The following TBC1D1 variants were observed in gnomAD, a reference collection of about 807,000 sequenced individuals.
TBC1D1 encodes TBC1 (tre-2/USP6, BUB2, cdc16) domain family, member 1.
Under a neutral mutation model 125.6 loss-of-function variants are expected in TBC1D1, and 89 were observed. That is an observed-to-expected ratio of 0.71 (90% CI 0.60 to 0.85). The LOEUF (loss-of-function observed/expected upper bound fraction) is 0.85. Among genes scored for constraint, TBC1D1 ranks in the 40% least tolerant of loss-of-function variants. The pLI, the probability that TBC1D1 is intolerant of heterozygous loss-of-function variation, is 0.00. For synonymous variants in TBC1D1, 565 were observed against 564.1 expected (o/e 1.00, Z -0.02); for missense variants, 1,377 against 1,469.2 (o/e 0.94, Z 1.03).
At chr4:38,076,228 G>C (rs180739693) in intron 12 of TBC1D1, among the ~76,000 whole-genome samples, 25 of 152,248 alleles carry the variant, frequency 1.6e-4, no homozygotes, top group African/African-American at 4.3e-4. Flanking sequence ...CGAGCAAAAG[G>C]GGGGAAAGCC....
intron 2 of TBC1D1, among the ~76,000 whole-genome samples, chr4:37,914,037 T>A (rs1374670752): frequency 6.6e-6 from 1 of 152,202 alleles, no homozygotes; most frequent in Non-Finnish European, 1.5e-5. Flanking sequence ...TCTAGTAGTC[T>A]CTACCCAGTC....
chr4:38,114,236 G>A (rs1762605970), intron 15 of TBC1D1, among the ~76,000 whole-genome samples: 1 of 152,198 alleles, frequency 6.6e-6, no homozygotes, highest in Non-Finnish European at 1.5e-5. Flanking sequence ...GCTATGGATT[G>A]CTTACTAGCA....
chr4:38,056,215 T>C (rs938796586), intron 12 of TBC1D1, among the ~76,000 whole-genome samples: 5 of 152,202 alleles, frequency 3.3e-5, no homozygotes, highest in African/African-American at 1.2e-4. Context: ...CAGAGGACCA[T>C]GGAAGCTGCT....
chr4:37,985,879 G>A (rs943645987), intron 2 of TBC1D1, among the ~76,000 whole-genome samples: 1 of 152,182 alleles, frequency 6.6e-6, no homozygotes, highest in African/African-American at 2.4e-5. Context: ...TAGAAGATGA[G>A]GTCTGAGTGA....
At chr4:37,921,948 G>A (rs961638016) in intron 2 of TBC1D1, among the ~76,000 whole-genome samples, 2 of 151,870 alleles carry the variant, frequency 1.3e-5, no homozygotes, top group African/African-American at 2.4e-5. Flanking sequence ...TGTTGCCTAG[G>A]CTGCTTATGA....
At chr4:37,954,889 CTT>C (rs10691932) in intron 2 of TBC1D1, among the ~76,000 whole-genome samples, 2 of 109,442 alleles carry the variant, frequency 1.8e-5, no homozygotes, top group Non-Finnish European at 1.7e-5. Context: ...TTGAAACAGT[CTT>C]TTTTTTTTTT....
Position 38,014,675 on chromosome 4 carries a change from A to G in TBC1D1, c.584A>G (p.Glu195Gly). The G allele has an allele frequency of 6.2e-7, 1 of 1,613,138 alleles. No homozygotes were observed. The highest frequency in any genetic ancestry group is 8.5e-7 in the Non-Finnish European group (1 of 1,180,014). The change falls in exon 3 of 20, where the codon GAG becomes GGG. Residue 195 changes from glutamate (E) to glycine (G), a missense_variant. Physicochemically the swap from Glu to Gly is moderately conservative, Grantham distance 98 (BLOSUM62 -2). This residue lies in a region of TBC1D1 where 822 missense variants were observed against 824.6 expected (regional missense o/e 1.00). Coordinates refer to ENST00000261439, the MANE Select transcript of TBC1D1 (RefSeq NM_015173.4). This position sits in a 1 kb window ranked among gnomAD's most constrained non-coding sequence, Gnocchi z 5.1. ...AAGGCTCCGCCGGCCCTGATCGACG[A>G]GTGCATCGAGAAGTTCAATCACGTC...
At chr4:38,131,723 G>A (rs138788158) in intron 18 of TBC1D1, among the ~76,000 whole-genome samples, 6 of 152,272 alleles carry the variant, frequency 3.9e-5, no homozygotes, top group African/African-American at 9.6e-5. Flanking sequence ...CAGTTACCTC[G>A]GCTGTCAAAT....
At chr4:38,008,665 C>T (rs768583063) in intron 2 of TBC1D1, among the ~76,000 whole-genome samples, 3 of 152,172 alleles carry the variant, frequency 2.0e-5, no homozygotes, top group Non-Finnish European at 4.4e-5. Flanking sequence ...AACAGGGACA[C>T]CTGATCACTC....
chr4:37,927,950 G>T (rs1377843056), intron 2 of TBC1D1, among the ~76,000 whole-genome samples: 1 of 152,146 alleles, frequency 6.6e-6, no homozygotes, highest in African/African-American at 2.4e-5. Flanking sequence ...TTGAAATTCA[G>T]GTCATTATTG....
intron 16 of TBC1D1, 121 bp from the exon 19 acceptor site, chr4:38,117,912 C>A: frequency 1.1e-6 from 1 of 914,846 alleles, no homozygotes; most frequent in Non-Finnish European, 1.7e-6. Flanking sequence ...GGATCGCAAG[C>A]CAAATCGAAT....
chr4:37,945,005 G>A (rs1475922328), intron 2 of TBC1D1, among the ~76,000 whole-genome samples: 1 of 152,306 alleles, frequency 6.6e-6, no homozygotes, highest in East Asian at 1.9e-4. Context: ...TTTTAAGAAA[G>A]CAGAACTAGT....
chr4:38,076,811 A>C (rs894478775), intron 12 of TBC1D1, among the ~76,000 whole-genome samples: 6 of 152,112 alleles, frequency 3.9e-5, no homozygotes, highest in Non-Finnish European at 5.9e-5. Context: ...AAAAAACCCC[A>C]GCCAGCCAAC....
At chr4:37,962,063 CTG>C (rs1365506113) in intron 2 of TBC1D1, among the ~76,000 whole-genome samples, 3 of 152,190 alleles carry the variant, frequency 2.0e-5, no homozygotes, top group Admixed American at 6.5e-5. Context: ...CCCAAATAAA[CTG>C]TGGGCCCCAT....
At chr4:38,104,903 C>A (rs1019624754) in intron 15 of TBC1D1, among the ~76,000 whole-genome samples, 1 of 151,954 alleles carries the variant, frequency 6.6e-6, no homozygotes, top group East Asian at 1.9e-4. Context: ...CTACAGGTGC[C>A]CGCCACCATG....
intron 2 of TBC1D1, among the ~76,000 whole-genome samples, chr4:38,011,779 A>G (rs1031699844): frequency 2.6e-5 from 4 of 152,230 alleles, no homozygotes; most frequent in African/African-American, 9.6e-5. Context: ...TGAGTAAAGG[A>G]TAGGAGAGAT....
intron 10 of TBC1D1, among the ~76,000 whole-genome samples, chr4:38,048,938 A>G (rs957628931): frequency 3.9e-5 from 6 of 152,238 alleles, no homozygotes; most frequent in African/African-American, 1.4e-4. Flanking sequence ...CTAATAAAAC[A>G]ATAACTTATG....
At chr4:38,072,754 C>T (rs369448958) in intron 12 of TBC1D1, among the ~76,000 whole-genome samples, 14 of 152,284 alleles carry the variant, frequency 9.2e-5, no homozygotes, top group African/African-American at 2.9e-4. Context: ...AAACTCTATG[C>T]CCAATAAACA....
rs1743719145 is a variant in TBC1D1 at position 38,020,273 on chromosome 4, G to C, written c.973-318G>C. Reference sequence around the variant, plus strand: ...AGGCTGAGGTGAGTGGATTACCTGAGGTCAGGAGTTCGAGACCAACATGGT... The same window carrying C: ...AGGCTGAGGTGAGTGGATTACCTGACGTCAGGAGTTCGAGACCAACATGGT... On this transcript the variant is annotated intron_variant, in intron 4 of 19. Transcript: ENST00000261439. Among the ~76,000 whole-genome samples, 3 of 152,060 alleles carry C rather than the reference G, an allele frequency of 2.0e-5. No individual in the cohort carries two copies. The South Asian group carries it at 6.2e-4, about 32-fold the overall frequency.
Sources: gnomAD v4.1 joint callset for allele counts (sites outside exome capture counted in the v4.1 genomes callset) on GRCh38, gnomAD v4.1.1 for gene constraint, gnomAD v4.1.1 regional missense constraint, Gnocchi (gnomAD v3.1) non-coding constraint, MANE v1.5 for transcripts, NCBI Gene and HGNC (gene_info 2026-07-23, HGNC 2026-07-21) for gene names.